The following MAST4 variants were observed in gnomAD, a reference collection of about 807,000 sequenced individuals.
The protein encoded by MAST4 is microtubule-associated serine/threonine-protein kinase 4.
A neutral mutation model predicts 162.7 loss-of-function variants in MAST4; 89 were observed. The observed-to-expected ratio is 0.55, with a 90% CI of 0.46 to 0.65. The LOEUF (loss-of-function observed/expected upper bound fraction) is 0.65. Ranked by LOEUF, MAST4 falls within the 30% of genes least tolerant of loss-of-function variation. The pLI, the probability that MAST4 is intolerant of heterozygous loss-of-function variation, is 0.00. For missense variants in MAST4, 3,153 were observed against 3,374.0 expected (o/e 0.93, Z 1.62); for synonymous variants, 1,479 against 1,361.1 (o/e 1.09, Z -1.91).
chr5:67,167,473 C>G lies in MAST4; in HGVS notation c.*422C>G, dbSNP rs1347230628. 1 of 154,466 alleles carries G rather than the reference C, an allele frequency of 6.5e-6. No individual in the cohort carries two copies. Among genetic ancestry groups the G allele is most frequent in the African/African-American group, 2.4e-5 (1 of 41,458 alleles). 9.6% of individuals were successfully genotyped at this position (154,466 alleles called of 1,614,324 possible). The stretch of plus-strand genomic sequence containing the variant: ...TAATGTAGTAATGAAGCAAAATGGT[C>G]AAAACTGGGTGTGTGTGAACAGAGA... On this transcript the variant is annotated 3_prime_UTR_variant, in exon 29 of 29. Coordinates refer to ENST00000403625, the MANE Select transcript of MAST4 (RefSeq NM_001164664.2).
At chr5:66,952,388 G>T (rs1302155974) in intron 4 of MAST4, among the ~76,000 whole-genome samples, 2 of 152,038 alleles carry the variant, frequency 1.3e-5, no homozygotes, top group African/African-American at 4.8e-5. Context: ...CTTTGAAGTG[G>T]TAGAGAGTCC....
intron 14 of MAST4, among the ~76,000 whole-genome samples, chr5:67,126,727 G>A (rs532376646): frequency 5.4e-4 from 82 of 152,252 alleles, no homozygotes; most frequent in Admixed American, 2.8e-3. Flanking sequence ...GGCTATGCAG[G>A]CTCTTTTTTG....
intron 3 of MAST4, among the ~76,000 whole-genome samples, chr5:66,880,980 A>C (rs1006882755): frequency 1.3e-5 from 2 of 152,114 alleles, no homozygotes; most frequent in Non-Finnish European, 2.9e-5. Flanking sequence ...ACACTGTTTT[A>C]TTTCTGTTGT....
intron 1 of MAST4, among the ~76,000 whole-genome samples, chr5:66,650,220 A>G (rs1185483911): frequency 1.3e-5 from 2 of 152,124 alleles, no homozygotes; most frequent in African/African-American, 4.8e-5. Context: ...GGTCTGGCCA[A>G]ACTTGTCTCC....
chr5:66,917,519 T>G (rs1330980305), intron 4 of MAST4: 1 of 152,126 alleles, frequency 6.6e-6, no homozygotes, highest in Non-Finnish European at 1.5e-5. Context: ...TCCCTTAAAT[T>G]TTCTCACTAT....
chr5:66,642,346 T>A (rs911079050), intron 1 of MAST4, among the ~76,000 whole-genome samples: 1 of 152,172 alleles, frequency 6.6e-6, no homozygotes, highest in Non-Finnish European at 1.5e-5. Context: ...AGGAGGAACC[T>A]CAACATTATA....
At chr5:66,973,868 C>T (rs564546420) in intron 4 of MAST4, among the ~76,000 whole-genome samples, 12 of 152,244 alleles carry the variant, frequency 7.9e-5, no homozygotes, top group African/African-American at 2.9e-4. Context: ...TAATCTATAA[C>T]CAGCATTCCT....
chr5:66,769,378 A>T (rs1167498264), intron 2 of MAST4, among the ~76,000 whole-genome samples: 1 of 152,170 alleles, frequency 6.6e-6, no homozygotes, highest in Non-Finnish European at 1.5e-5. Context: ...CTGGGGAGTG[A>T]GCAGCAGGTG....
intron 1 of MAST4, among the ~76,000 whole-genome samples, chr5:66,634,980 T>C (rs1290775154): frequency 6.6e-6 from 1 of 152,246 alleles, no homozygotes; most frequent in Non-Finnish European, 1.5e-5. Flanking sequence ...ATCCTGCCTC[T>C]GGGATGCAGG....
chr5:67,139,690 T>G (rs1770124413), intron 19 of MAST4, among the ~76,000 whole-genome samples: 1 of 152,254 alleles, frequency 6.6e-6, no homozygotes, highest in African/African-American at 2.4e-5. Context: ...TTTACCTTCA[T>G]AATGAATTCT....
intron 2 of MAST4, among the ~76,000 whole-genome samples, chr5:66,771,769 T>TA (rs1405159708): frequency 6.6e-5 from 10 of 151,916 alleles, no homozygotes; most frequent in African/African-American, 2.4e-4. Flanking sequence ...TTTTTTTTTT[T>TA]AACCTGTTAT....
At chr5:66,933,985 C>T (rs1394834435) in intron 4 of MAST4, among the ~76,000 whole-genome samples, 2 of 152,094 alleles carry the variant, frequency 1.3e-5, no homozygotes, top group East Asian at 3.9e-4. Flanking sequence ...AGCCACCACA[C>T]CTGGCTTTAA....
intron 27 of MAST4, among the ~76,000 whole-genome samples, chr5:67,161,855 CTT>C (rs966787486): frequency 2.3e-4 from 35 of 152,266 alleles, no homozygotes; most frequent in African/African-American, 7.9e-4. Flanking sequence ...CAACCAGAAA[CTT>C]TGTTTTAAGC....
intron 5 of MAST4, among the ~76,000 whole-genome samples, chr5:67,080,483 T>A (rs1463887837): frequency 6.6e-6 from 1 of 151,944 alleles, no homozygotes; most frequent in Non-Finnish European, 1.5e-5. Context: ...AAGAGTTGTG[T>A]GTGGCTTAAA....
intron 5 of MAST4, among the ~76,000 whole-genome samples, chr5:67,083,289 T>C (rs1004888637): frequency 1.3e-5 from 2 of 152,224 alleles, no homozygotes; most frequent in Non-Finnish European, 2.9e-5. Flanking sequence ...GCACATATTT[T>C]GCTTCTTCCA....
At chr5:66,859,950 T>G (rs560118520) in intron 3 of MAST4, among the ~76,000 whole-genome samples, 77 of 152,286 alleles carry the variant, frequency 5.1e-4, no homozygotes, top group South Asian at 3.1e-3. Flanking sequence ...TACTTGGAAG[T>G]CCCCAAAACA....
intron 11 of MAST4, among the ~76,000 whole-genome samples, chr5:67,113,448 A>C (rs1766507633): frequency 6.6e-6 from 1 of 152,158 alleles, no homozygotes; most frequent in Non-Finnish European, 1.5e-5. Flanking sequence ...CATACACACA[A>C]AAAATTAAAT....
At position 67,144,622 on chromosome 5, in the gene MAST4, A is replaced by G. The variant is rs917700177; in HGVS notation, c.2731-47A>G. 1.9e-6 allele frequency: 3 copies of G among 1,591,262 alleles called. No individual in the cohort carries two copies. The Admixed American group carries it at 5.2e-5, about 28-fold the overall frequency. On this transcript the variant is annotated intron_variant, in intron 21 of 28. Transcript: ENST00000403625. The stretch of plus-strand genomic sequence containing the variant: ...CAAGACTTGGAGTGTTTTTCTGACA[A>G]ACTCTTTTTAGTAGATATTAATAAG...
chr5:66,909,708 G>A (rs1763616913), intron 4 of MAST4, among the ~76,000 whole-genome samples: 1 of 152,142 alleles, frequency 6.6e-6, no homozygotes, highest in Admixed American at 6.6e-5. Context: ...CAAGGGAGTG[G>A]GTACTGATAG....
Sources: allele counts gnomAD v4.1 joint callset (sites outside exome capture counted in the v4.1 genomes callset), GRCh38; gene constraint gnomAD v4.1.1; transcripts MANE v1.5; gene names NCBI Gene and HGNC (gene_info 2026-07-23, HGNC 2026-07-21).